CLECL1: variants seen among roughly 807,000 people sequenced by gnomAD.
CLECL1 encodes C-type lectin like 1.
intron 1 of CLECL1, among the ~76,000 whole-genome samples, chr12:9,730,697 TC>T (rs2121066000): frequency 6.6e-6 from 1 of 152,046 alleles, no homozygotes; most frequent in Non-Finnish European, 1.5e-5. Flanking sequence ...TTTTTTCTTT[TC>T]TTTTTTTTTT....
At chr12:9,706,367 G>A in the CLECL1 span, among the ~76,000 whole-genome samples, 1 of 152,120 alleles carries the variant, frequency 6.6e-6, no homozygotes, top group Admixed American at 6.5e-5. Context: ...TTGCCTGATT[G>A]CCCAGGCCAA....
At chr12:9,733,017 A>G in exon 1 of CLECL1, 1 of 1,614,214 alleles carries the variant, frequency 6.2e-7, no homozygotes. Flanking sequence ...AGCGTAGACT[A>G]CATCTCCAGC....
At chr12:9,709,817 G>C in the CLECL1 span, among the ~76,000 whole-genome samples, 1 of 152,304 alleles carries the variant, frequency 6.6e-6, no homozygotes, top group East Asian at 1.9e-4. Flanking sequence ...GGCAGCTCCT[G>C]ATATCAGGAG....
downstream of CLECL1, chr12:9,718,827 G>C: frequency 1.5e-6 from 1 of 682,998 alleles, no homozygotes; most frequent in South Asian, 1.6e-5. Flanking sequence ...CAACAACCTT[G>C]ATCTTGGACT....
At chr12:9,705,517 A>G in the CLECL1 span, among the ~76,000 whole-genome samples, 3 of 152,026 alleles carry the variant, frequency 2.0e-5, no homozygotes, top group African/African-American at 4.8e-5. Context: ...GTTTTCTTCT[A>G]TGGTTTTTAT....
the CLECL1 span, among the ~76,000 whole-genome samples, chr12:9,708,677 C>T: frequency 6.6e-6 from 1 of 152,178 alleles, no homozygotes; most frequent in Non-Finnish European, 1.5e-5. Context: ...GCAGTTAACT[C>T]CTATTCTCCG....
intron 3 of CLECL1, among the ~76,000 whole-genome samples, chr12:9,723,423 TAC>T (rs1399442835): frequency 9.2e-6 from 1 of 108,484 alleles, no homozygotes; most frequent in African/African-American, 3.7e-5. Flanking sequence ...AAATATTCTT[TAC>T]ACACAGAGAC....
At chr12:9,727,915 GCA>G (rs1315440184) in intron 2 of CLECL1, among the ~76,000 whole-genome samples, 2 of 151,764 alleles carry the variant, frequency 1.3e-5, no homozygotes, top group East Asian at 3.8e-4. Flanking sequence ...AGAAGAATAA[GCA>G]CTTGAATTTT....
chr12:9,733,124 G>A (rs1324592986), upstream of CLECL1: 25 of 1,533,962 alleles, frequency 1.6e-5, no homozygotes, highest in Non-Finnish European at 2.2e-5. Context: ...AGTAAATTGA[G>A]ATGGCAAATT....
downstream of CLECL1, among the ~76,000 whole-genome samples, chr12:9,719,526 A>C (rs1327505002): frequency 6.6e-6 from 1 of 152,122 alleles, no homozygotes; most frequent in Non-Finnish European, 1.5e-5. Context: ...ACTTTGTCTC[A>C]AAAACAAAAA....
chr12:9,720,265 C>T (rs1866293024), downstream of CLECL1, among the ~76,000 whole-genome samples: 1 of 151,922 alleles, frequency 6.6e-6, no homozygotes, highest in Admixed American at 6.5e-5. Flanking sequence ...CCAGCACACA[C>T]AGTAGGTCTT....
At chr12:9,705,896 A>G in the CLECL1 span, among the ~76,000 whole-genome samples, 1 of 151,976 alleles carries the variant, frequency 6.6e-6, no homozygotes, top group Admixed American at 6.6e-5. Flanking sequence ...TTTTTATTCC[A>G]TATAAATTTT....
At chr12:9,732,592 T>C (rs769147367) in intron 1 of CLECL1, among the ~76,000 whole-genome samples, 1 of 152,356 alleles carries the variant, frequency 6.6e-6, no homozygotes, top group Admixed American at 6.5e-5. Context: ...GAGATGAATT[T>C]ATCACATTAT....
At chr12:9,729,404 A>G (rs1247211689) in intron 2 of CLECL1, among the ~76,000 whole-genome samples, 2 of 152,152 alleles carry the variant, frequency 1.3e-5, no homozygotes, top group African/African-American at 2.4e-5. Context: ...ATGAATTTAT[A>G]ATGTATATTT....
downstream of CLECL1, among the ~76,000 whole-genome samples, chr12:9,722,254 A>G (rs1267733795): frequency 5.3e-5 from 8 of 152,234 alleles, no homozygotes. Context: ...AGTAAGAGAT[A>G]CTGTTCTGCC....
At chr12:9,719,800 G>A (rs886417408), downstream of CLECL1, among the ~76,000 whole-genome samples, 1 of 152,164 alleles carries the variant, frequency 6.6e-6, no homozygotes, top group Non-Finnish European at 1.5e-5. Flanking sequence ...TATCCTCATT[G>A]TTTCACACAC....
At chr12:9,713,552 GTATAAAACAA>G (rs1453243027), downstream of CLECL1, among the ~76,000 whole-genome samples, 14 of 152,212 alleles carry the variant, frequency 9.2e-5, 1 homozygote, top group African/African-American at 3.1e-4. Context: ...CAGGTACTGA[GTATAAAACAA>G]TATAAAACAA....
At chr12:9,703,241 C>A in the CLECL1 span, among the ~76,000 whole-genome samples, 1 of 152,162 alleles carries the variant, frequency 6.6e-6, no homozygotes, top group Admixed American at 6.5e-5. Context: ...AGATTTATGT[C>A]CCTTAAGGCA....
At chr12:9,711,603 T>C (rs1866201588), downstream of CLECL1, among the ~76,000 whole-genome samples, 1 of 152,206 alleles carries the variant, frequency 6.6e-6, no homozygotes, top group African/African-American at 2.4e-5. Context: ...TGATATTCTT[T>C]CTTTAAAAGA....
Sources: gnomAD v4.1 joint callset for allele counts (sites outside exome capture counted in the v4.1 genomes callset) on GRCh38, gnomAD v4.1.1 for gene constraint, MANE v1.5 for transcripts, NCBI Gene and HGNC (gene_info 2026-07-23, HGNC 2026-07-21) for gene names.